Variants in SMARCA2 observed in about 807,000 individuals in gnomAD.
SMARCA2 encodes SWI/SNF-related matrix-associated actin-dependent regulator of chromatin subfamily A member 2.
A neutral mutation model predicts 199.8 loss-of-function variants in SMARCA2; 61 were observed. The ratio of observed to expected loss-of-function variants is 0.31; its 90% confidence interval spans 0.25 to 0.38. The LOEUF is 0.38. SMARCA2 is among the 10% of genes least tolerant of loss of function. The pLI, the probability that SMARCA2 is intolerant of heterozygous loss-of-function variation, is 1.00. For synonymous variants in SMARCA2, 935 were observed against 732.0 expected (o/e 1.28, Z -4.48); for missense variants, 1,344 against 2,012.2 (o/e 0.67, Z 6.35).
At chr9:2,135,222 C>T (rs892029697) in intron 27 of SMARCA2, among the ~76,000 whole-genome samples, 3 of 152,164 alleles carry the variant, frequency 2.0e-5, no homozygotes, top group African/African-American at 7.2e-5. Context: ...TGACACAGCT[C>T]AAGAAAAGAA....
chr9:2,159,539 C>G (rs995447890), intron 27 of SMARCA2: 16 of 287,302 alleles, frequency 5.6e-5, no homozygotes, highest in African/African-American at 3.0e-4. Flanking sequence ...TGTTTTCTTA[C>G]TGGCTTAATT....
chr9:2,188,765 G>A (rs545811126), intron 32 of SMARCA2, among the ~76,000 whole-genome samples: 3 of 152,292 alleles, frequency 2.0e-5, no homozygotes, highest in Non-Finnish European at 4.4e-5. Context: ...TGTGTCAGCA[G>A]CCTGCATTCC....
intron 33 of SMARCA2, 127 bp from the exon 34 acceptor site, chr9:2,192,577 A>T (rs945376237): frequency 7.9e-6 from 6 of 755,432 alleles, no homozygotes; most frequent in Non-Finnish European, 1.2e-5. Context: ...CCTCCCACGG[A>T]AAGAGATTTG....
chr9:2,097,277 A>C (rs1489079337), intron 20 of SMARCA2, 108 bp from the exon 21 acceptor site: 2 of 699,424 alleles, frequency 2.9e-6, no homozygotes, highest in African/African-American at 3.6e-5. Flanking sequence ...AGGTGACTGA[A>C]AAAACCTATG....
At chr9:2,155,647 T>A (rs1226147497) in intron 27 of SMARCA2, among the ~76,000 whole-genome samples, 2 of 151,088 alleles carry the variant, frequency 1.3e-5, no homozygotes, top group Non-Finnish European at 2.9e-5. Context: ...GTCTCAGATG[T>A]GTAAGCCGTA....
chr9:2,186,225 G>A lies in SMARCA2; in HGVS notation c.4591G>A (p.Glu1531Lys), dbSNP rs755656104. 8 of 1,613,364 alleles carry A rather than the reference G, an allele frequency of 5.0e-6. No homozygotes were observed. In the East Asian group the frequency reaches 6.7e-5, roughly 13 times the overall value. Reference sequence around the variant, plus strand: ...GGAAGATGAAGAAGAGTCAGAGTCCGAGGGTAAGCCCAGACATTCGGGTCC... The same window carrying A: ...GGAAGATGAAGAAGAGTCAGAGTCCAAGGGTAAGCCCAGACATTCGGGTCC... ...EEEDEEESES[E>K]AKSVKVKIKL... Residue 1531 changes from glutamate (E) to lysine (K), a missense_variant, in exon 32 of 34, where the codon GAG becomes AAG. Transcript: ENST00000349721.
In SMARCA2 at chr9:2,073,654, G is replaced by T. The variant is rs768061537; in HGVS notation, c.1935+31G>T. The T allele has an allele frequency of 4.6e-6, 7 of 1,525,068 alleles. No homozygotes were observed. In the East Asian group the frequency reaches 9.0e-5, roughly 20 times the overall value. 94.5% of individuals were successfully genotyped at this position (1,525,068 alleles called of 1,614,324 possible). A position where few individuals can be genotyped will look rare whatever the true frequency, so the allele number is the denominator to read the frequency against. The stretch of plus-strand genomic sequence containing the variant: ...TATGTATCTCTGTTTGGGGTTTATT[G>T]GTTTGAAAGTTATCAGAGGAAGAAA... On this transcript the variant is annotated intron_variant, in intron 12 of 33. Transcript: ENST00000349721.
intron 3 of SMARCA2, among the ~76,000 whole-genome samples, chr9:2,034,481 G>A (rs12378397): frequency 6.6e-6 from 1 of 152,114 alleles, no homozygotes; most frequent in Non-Finnish European, 1.5e-5. Flanking sequence ...CCTGATTTCA[G>A]AGTCATTATG....
chr9:2,145,230 G>A (rs1316718274), intron 27 of SMARCA2, among the ~76,000 whole-genome samples: 1 of 151,376 alleles, frequency 6.6e-6, no homozygotes. Flanking sequence ...CCAAACTCGG[G>A]AGGCGGAGGT....
At position 2,056,692 on chromosome 9, in the gene SMARCA2, C is replaced by T. The variant is rs1419380453; in HGVS notation, c.1194C>T (p.Ala398=). 5 of 1,613,822 alleles carry T rather than the reference C, an allele frequency of 3.1e-6. No homozygotes were observed. The highest frequency in any genetic ancestry group is 4.2e-6 in the Non-Finnish European group (5 of 1,179,870). ...GACAGCTGAGACAGGAGGTGGTGGC[C>T]TGCATGCGCAGGGACACGACCCTGG... ...FQRQLRQEVV[A]CMRRDTTLET... The change falls in exon 7 of 34, where the codon GCC becomes GCT. Residue 398 remains alanine (A), a synonymous_variant. Transcript: ENST00000349721. The surrounding 1 kb of genome is among the most constrained non-coding windows in gnomAD (Gnocchi z 4.0).
chr9:2,071,550 A>T (rs1821087818), intron 10 of SMARCA2, among the ~76,000 whole-genome samples: 1 of 152,216 alleles, frequency 6.6e-6, no homozygotes, highest in Admixed American at 6.5e-5. Context: ...CTGTTGGGAA[A>T]ATTAGCTACT....
At position 2,096,758 on chromosome 9, in the gene SMARCA2, T is replaced by C. The variant is rs1822289520; in HGVS notation, c.2985T>C (p.Asp995=). ...TTCTCACAGATGGTTCTGAGAAAGATAAGAAGGTACGTTGCGAAAGATGAT... is the reference window on the plus strand; with the variant it reads ...TTCTCACAGATGGTTCTGAGAAAGACAAGAAGGTACGTTGCGAAAGATGAT... ...GILLTDGSEK[D]KKGKGGAKTL... is the part of the protein sequence containing the mutation. The change falls in exon 20 of 34, where the codon GAT becomes GAC. Residue 995 remains aspartate (D), a synonymous_variant. Transcript: ENST00000349721. 2 of 1,603,592 alleles carry C rather than the reference T, an allele frequency of 1.2e-6. No individual in the cohort carries two copies. The highest frequency in any genetic ancestry group is 1.1e-5 in the South Asian group (1 of 90,904).
At chr9:2,147,240 C>T (rs1408700619) in intron 27 of SMARCA2, among the ~76,000 whole-genome samples, 1 of 47,364 alleles carries the variant, frequency 2.1e-5, no homozygotes, top group South Asian at 6.5e-4. Flanking sequence ...TACTGAGTGA[C>T]CAAAAAAAAA....
rs527846769 is a variant in SMARCA2 at position 2,119,636 on chromosome 9, C to G, written c.3762+101C>G. The G allele has an allele frequency of 2.6e-6, 2 of 769,784 alleles. No homozygotes were observed. The highest frequency in any genetic ancestry group is 1.7e-5 in the African/African-American group (1 of 58,330). The allele number at this position is 769,784 out of a possible 1,614,324, so 47.7% of individuals were successfully genotyped here. A position where few individuals can be genotyped will look rare whatever the true frequency, so the allele number is the denominator to read the frequency against. On this transcript the variant is annotated intron_variant, in intron 26 of 33. Transcript: ENST00000349721. This position sits in a 1 kb window ranked among gnomAD's most constrained non-coding sequence, Gnocchi z 4.6. ...CCTGCGTGCCTGGCAGAACTTCATA[C>G]GTAAAGCCTATGCCTTTCCTTCAGT...
At position 2,039,244 on chromosome 9, in the gene SMARCA2, T is replaced by C. The variant is rs1415283660; in HGVS notation, c.356-222T>C. ...ATTAACTTTACCTGCTTTTTTTTTTTTTAACACTTTAAAGTGGCTACCAGA... is the reference window on the plus strand; with the variant it reads ...ATTAACTTTACCTGCTTTTTTTTTTCTTAACACTTTAAAGTGGCTACCAGA... On this transcript the variant is annotated intron_variant, in intron 3 of 33. Coordinates refer to ENST00000349721, the MANE Select transcript of SMARCA2 (RefSeq NM_003070.5). The surrounding 1 kb of genome is among the most constrained non-coding windows in gnomAD (Gnocchi z 4.8). 6.6e-6 allele frequency among the ~76,000 whole-genome samples: 1 copy of C among 152,152 alleles called. No homozygotes were observed. Among genetic ancestry groups the C allele is most frequent in the Non-Finnish European group, 1.5e-5 (1 of 68,018 alleles).
intron 31 of SMARCA2, among the ~76,000 whole-genome samples, chr9:2,183,002 G>C (rs1827165781): frequency 1.3e-5 from 2 of 152,184 alleles, no homozygotes; most frequent in African/African-American, 4.8e-5. Context: ...TGTTAGCCAG[G>C]CTGGTCTTGA....
chr9:2,116,180 T>A, intron 25 of SMARCA2, 131 bp downstream of exon 25: 1 of 690,670 alleles, frequency 1.4e-6, no homozygotes, highest in East Asian at 2.7e-5. Context: ...AACTGCTGTT[T>A]TAGATCCCAA....
chr9:2,163,778 G>A (rs1825805629), intron 28 of SMARCA2, among the ~76,000 whole-genome samples: 1 of 152,162 alleles, frequency 6.6e-6, no homozygotes, highest in African/African-American at 2.4e-5. Context: ...GTCCTTGGAG[G>A]TTGAGAAGCT....
At position 2,058,120 on chromosome 9, in the gene SMARCA2, A is replaced by G. The variant is rs1020502650; in HGVS notation, c.1348-171A>G. The G allele has an allele frequency of 4.9e-6, 3 of 610,900 alleles. No homozygotes were observed. In the African/African-American group the frequency reaches 5.5e-5, roughly 11 times the overall value. 37.8% of individuals were successfully genotyped at this position (610,900 alleles called of 1,614,324 possible). A position where few individuals can be genotyped will look rare whatever the true frequency, so the allele number is the denominator to read the frequency against. On this transcript the variant is annotated intron_variant, in intron 7 of 33. Transcript: ENST00000349721. ...AGAGGCTATCTTTCCCACCAGCCCC[A>G]TGGCCCACACCTTAACTGCAGAGAC...
Sources: allele counts gnomAD v4.1 joint callset (sites outside exome capture counted in the v4.1 genomes callset), GRCh38; gene constraint gnomAD v4.1.1; non-coding constraint Gnocchi (gnomAD v3.1); transcripts MANE v1.5; gene names NCBI Gene and HGNC (gene_info 2026-07-23, HGNC 2026-07-21).